GRIK1: variants seen among roughly 807,000 people sequenced by gnomAD.
GRIK1 encodes glutamate receptor ionotropic, kainate 1.
In GRIK1, 69 loss-of-function variants were observed where a neutral mutation model predicts 105.7. The observed-to-expected ratio is 0.65, with a 90% confidence interval of 0.54 to 0.80. The LOEUF is 0.80. GRIK1 is among the 30% of genes least tolerant of loss of function. The probability of loss-of-function intolerance (pLI) is 0.00; values close to 1 mark genes in which losing one functional copy is unlikely to be tolerated. For synonymous variants in GRIK1, 438 were observed against 431.3 expected (o/e 1.02, Z -0.19); for missense variants, 1,109 against 1,167.3 (o/e 0.95, Z 0.73).
intron 1 of GRIK1, among the ~76,000 whole-genome samples, chr21:29,733,925 T>G (rs427114): frequency 0.75 from 113,305 of 151,792 alleles, 45,207 homozygotes; most frequent in South Asian, 0.89. Flanking sequence ...TAAAATACAG[T>G]GAAATAATTA....
At chr21:29,708,878 A>C (rs73354526) in intron 1 of GRIK1, among the ~76,000 whole-genome samples, 2,253 of 152,286 alleles carry the variant, frequency 0.015, 67 homozygotes, top group African/African-American at 0.052. Context: ...TTGGAATTCA[A>C]AATTTCTCCT....
intron 9 of GRIK1, chr21:29,596,270 G>A (rs1215851339): frequency 3.3e-6 from 2 of 601,100 alleles, no homozygotes; most frequent in Non-Finnish European, 6.2e-6. Context: ...ATCCTGCCTG[G>A]GAGAAACAAA....
chr21:29,581,476 A>T lies in GRIK1; in HGVS notation c.1861T>A (p.Phe621Ile). ...NPDSDVVENN[F>I]TLLNSFWFGV... ...AACCAGAAACTATTTAGTAAAGTAAAATTGTTTTCCACCACGTCTGAGTCA... is the reference window on the plus strand; with the variant it reads ...AACCAGAAACTATTTAGTAAAGTAATATTGTTTTCCACCACGTCTGAGTCA... The change falls in exon 13 of 18, where the codon TTT becomes ATT. Residue 621 changes from phenylalanine to isoleucine, a missense_variant. Physicochemically the swap from Phe to Ile is conservative, Grantham distance 21. Coordinates refer to ENST00000327783, the MANE Select transcript of GRIK1 (RefSeq NM_001330994.2). 3 of 1,613,316 alleles carry T rather than the reference A, an allele frequency of 1.9e-6. No homozygotes were observed. Among genetic ancestry groups the T allele is most frequent in the Non-Finnish European group, 2.5e-6 (3 of 1,179,482 alleles).
chr21:29,614,473 G>A (rs2061800662), intron 7 of GRIK1, among the ~76,000 whole-genome samples: 1 of 134,672 alleles, frequency 7.4e-6, no homozygotes, highest in African/African-American at 3.0e-5. Context: ...GAGTGCAATG[G>A]CACCATCTCA....
At chr21:29,732,066 G>A (rs555842545) in intron 1 of GRIK1, among the ~76,000 whole-genome samples, 34 of 152,224 alleles carry the variant, frequency 2.2e-4, no homozygotes, top group South Asian at 6.2e-4. Flanking sequence ...AAATCCTTGC[G>A]TAATTCTTTC....
At chr21:29,850,874 G>T (rs2255023) in intron 1 of GRIK1, among the ~76,000 whole-genome samples, 48,892 of 151,972 alleles carry the variant, frequency 0.32, 8,552 homozygotes, top group East Asian at 0.46. Context: ...TATCTCAGCA[G>T]GAAATTTAAT....
At chr21:29,936,362 C>G (rs1260604748) in intron 1 of GRIK1, among the ~76,000 whole-genome samples, 1 of 152,038 alleles carries the variant, frequency 6.6e-6, no homozygotes, top group Non-Finnish European at 1.5e-5. Flanking sequence ...GGTGGTGGGC[C>G]ACGTCTACTA....
chr21:29,817,086 T>C (rs973506219), intron 1 of GRIK1, among the ~76,000 whole-genome samples: 1 of 152,032 alleles, frequency 6.6e-6, no homozygotes, highest in Non-Finnish European at 1.5e-5. Flanking sequence ...AAAAAAATGA[T>C]AATCTGGACA....
chr21:29,584,417 G>T (rs549325878), intron 12 of GRIK1, among the ~76,000 whole-genome samples: 1 of 152,094 alleles, frequency 6.6e-6, no homozygotes, highest in South Asian at 2.1e-4. Context: ...TATTTAAATT[G>T]TTTATGATGG....
intron 1 of GRIK1, among the ~76,000 whole-genome samples, chr21:29,830,387 C>A (rs1420773984): frequency 1.3e-5 from 2 of 148,876 alleles, no homozygotes; most frequent in South Asian, 4.3e-4. Context: ...TTATACAAAA[C>A]AAAGGAGCAG....
chr21:29,699,995 T>A (rs1481769897), intron 1 of GRIK1, among the ~76,000 whole-genome samples: 1 of 152,178 alleles, frequency 6.6e-6, no homozygotes, highest in Non-Finnish European at 1.5e-5. Context: ...TGAAAATAAT[T>A]TTAAAGGAAC....
At chr21:29,755,841 T>A (rs1319393583) in intron 1 of GRIK1, among the ~76,000 whole-genome samples, 1 of 152,182 alleles carries the variant, frequency 6.6e-6, no homozygotes, top group Non-Finnish European at 1.5e-5. Flanking sequence ...GAAAGTAGAA[T>A]ATATCCCAAA....
chr21:29,857,569 A>AT (rs960227936), intron 1 of GRIK1, among the ~76,000 whole-genome samples: 3 of 152,176 alleles, frequency 2.0e-5, no homozygotes, highest in African/African-American at 7.2e-5. Context: ...ATTTTTGAGA[A>AT]TTTTTTGTTA....
intron 1 of GRIK1, among the ~76,000 whole-genome samples, chr21:29,742,598 T>C (rs1451876350): frequency 1.3e-5 from 2 of 152,260 alleles, no homozygotes; most frequent in Non-Finnish European, 2.9e-5. Context: ...GATGAATTTC[T>C]TGTACACATT....
At chr21:29,564,180 C>T (rs1381936879) in intron 14 of GRIK1, among the ~76,000 whole-genome samples, 1 of 152,056 alleles carries the variant, frequency 6.6e-6, no homozygotes, top group Non-Finnish European at 1.5e-5. Context: ...CGGAGTCTCG[C>T]TCTGTCGCCC....
intron 1 of GRIK1, among the ~76,000 whole-genome samples, chr21:29,930,151 T>C (rs1318652468): frequency 6.6e-6 from 1 of 152,156 alleles, no homozygotes; most frequent in Non-Finnish European, 1.5e-5. Flanking sequence ...GCCTTAGGGT[T>C]CAGATTTTTC....
chr21:29,823,054 T>A (rs2067348875), intron 1 of GRIK1, among the ~76,000 whole-genome samples: 1 of 151,992 alleles, frequency 6.6e-6, no homozygotes, highest in Non-Finnish European at 1.5e-5. Context: ...TGCTTCAACA[T>A]CACTGCTAGT....
At chr21:29,601,551 G>A (rs1288610784) in intron 7 of GRIK1, among the ~76,000 whole-genome samples, 1 of 152,166 alleles carries the variant, frequency 6.6e-6, no homozygotes, top group Non-Finnish European at 1.5e-5. Flanking sequence ...GCTGGAACAG[G>A]CCTGGGCTCT....
At position 29,927,653 on chromosome 21, in the gene GRIK1, A is replaced by G. The variant is rs199656604; in HGVS notation, c.118+11730T>C. ...TTTGGGAGGCCAAGGCAGGTGGATC[A>G]TGAGGTCAGGAGATCGAGACCACCC... On this transcript the variant is annotated intron_variant, in intron 1 of 17. Coordinates refer to ENST00000327783, the MANE Select transcript of GRIK1 (RefSeq NM_001330994.2). Among the ~76,000 whole-genome samples the G allele has an allele frequency of 1.8e-4, 28 of 151,838 alleles. No individual in the cohort carries two copies. The East Asian group carries it at 5.4e-3, about 29-fold the overall frequency.
Sources: allele counts gnomAD v4.1 joint callset (sites outside exome capture counted in the v4.1 genomes callset), GRCh38; gene constraint gnomAD v4.1.1; transcripts MANE v1.5; gene names NCBI Gene and HGNC (gene_info 2026-07-23, HGNC 2026-07-21).